The following SNTG1 variants were observed in gnomAD, a reference collection of about 807,000 sequenced individuals.
SNTG1 encodes syntrophin gamma 1, also known as gamma-1-syntrophin.
SNTG1 carries 39 observed loss-of-function variants against 74.7 expected under a neutral mutation model. The ratio of observed to expected loss-of-function variants is 0.52; its 90% CI spans 0.40 to 0.68. The LOEUF is 0.68. Ranked by LOEUF, SNTG1 falls within the 30% of genes least tolerant of loss-of-function variation. The pLI is 0.00. For missense variants in SNTG1, 685 were observed against 609.5 expected (o/e 1.12, Z -1.30); for synonymous variants, 254 against 217.1 (o/e 1.17, Z -1.49).
chr8:50,206,808 C>A (rs549927228), intron 2 of SNTG1, among the ~76,000 whole-genome samples: 21 of 152,266 alleles, frequency 1.4e-4, no homozygotes, highest in African/African-American at 4.8e-4. Flanking sequence ...GCCTTTTCTG[C>A]ATCTATTGAG....
At chr8:50,624,598 T>C (rs918128752) in intron 13 of SNTG1, among the ~76,000 whole-genome samples, 1 of 152,146 alleles carries the variant, frequency 6.6e-6, no homozygotes, top group African/African-American at 2.4e-5. Context: ...TGATTTAAAG[T>C]AGTCTGAGGC....
chr8:50,012,301 G>A (rs1179323946), intron 1 of SNTG1, among the ~76,000 whole-genome samples: 1 of 152,074 alleles, frequency 6.6e-6, no homozygotes, highest in African/African-American at 2.4e-5. Context: ...GCATGTCAAT[G>A]GAATGTGGAT....
intron 12 of SNTG1, among the ~76,000 whole-genome samples, chr8:50,578,004 A>G (rs2094586659): frequency 6.6e-6 from 1 of 152,222 alleles, no homozygotes; most frequent in Non-Finnish European, 1.5e-5. Flanking sequence ...TCCTCAAAGC[A>G]TTTGAAAAGA....
intron 4 of SNTG1, among the ~76,000 whole-genome samples, chr8:50,436,783 C>G (rs1265399466): frequency 6.6e-6 from 1 of 152,064 alleles, no homozygotes; most frequent in African/African-American, 2.4e-5. Flanking sequence ...AAAGACATTT[C>G]TAATACATAG....
At chr8:50,280,357 A>G (rs755902618) in intron 2 of SNTG1, among the ~76,000 whole-genome samples, 19 of 152,226 alleles carry the variant, frequency 1.2e-4, no homozygotes, top group Non-Finnish European at 2.2e-4. Flanking sequence ...GGTTGGGCTT[A>G]AAACATCTTT....
intron 2 of SNTG1, among the ~76,000 whole-genome samples, chr8:50,314,714 T>C (rs1366045107): frequency 1.3e-5 from 2 of 150,196 alleles, no homozygotes; most frequent in Admixed American, 1.3e-4. Context: ...TATCACCCCT[T>C]CCTTTACCCC....
chr8:50,051,247 C>A (rs1194017682), intron 1 of SNTG1, among the ~76,000 whole-genome samples: 6 of 151,202 alleles, frequency 4.0e-5, no homozygotes. Context: ...TTGACACACA[C>A]ACACACACAC....
chr8:50,694,634 A>AAATTATAG (rs1429051200), intron 15 of SNTG1, among the ~76,000 whole-genome samples: 1 of 152,122 alleles, frequency 6.6e-6, no homozygotes. Context: ...TAAGAAAAGA[A>AAATTATAG]AATTATAGGC....
At chr8:50,602,284 G>A (rs1222427551) in intron 13 of SNTG1, among the ~76,000 whole-genome samples, 1 of 151,926 alleles carries the variant, frequency 6.6e-6, no homozygotes, top group Admixed American at 6.6e-5. Context: ...TGTATCCATT[G>A]TATGGTTTTC....
chr8:50,771,807 C>G (rs920960983), intron 18 of SNTG1, among the ~76,000 whole-genome samples: 2 of 152,164 alleles, frequency 1.3e-5, no homozygotes, highest in Non-Finnish European at 2.9e-5. Flanking sequence ...GGATGCTGCT[C>G]TCCACATCAA....
intron 15 of SNTG1, among the ~76,000 whole-genome samples, chr8:50,682,263 C>T (rs945908954): frequency 2.0e-5 from 3 of 151,928 alleles, no homozygotes; most frequent in African/African-American, 7.3e-5. Flanking sequence ...GGGTTGGACC[C>T]CACAGTGTAA....
At chr8:50,205,195 A>C (rs1280443483) in intron 2 of SNTG1, among the ~76,000 whole-genome samples, 1 of 152,158 alleles carries the variant, frequency 6.6e-6, no homozygotes, top group African/African-American at 2.4e-5. Flanking sequence ...AGCAGTGTAA[A>C]ACTGTTCCTA....
intron 1 of SNTG1, among the ~76,000 whole-genome samples, chr8:50,043,487 AAG>A (rs1818816254): frequency 6.6e-6 from 1 of 152,226 alleles, no homozygotes; most frequent in South Asian, 2.1e-4. Flanking sequence ...GAATTTATGA[AAG>A]CAGTCTGCTT....
intron 8 of SNTG1, among the ~76,000 whole-genome samples, chr8:50,455,156 T>C (rs2093493391): frequency 6.6e-6 from 1 of 152,156 alleles, no homozygotes; most frequent in Non-Finnish European, 1.5e-5. Context: ...AAAGTATTTG[T>C]TGAGTAAAAA....
At chr8:49,923,752 G>A (rs1485731818) in intron 1 of SNTG1, among the ~76,000 whole-genome samples, 3 of 151,976 alleles carry the variant, frequency 2.0e-5, no homozygotes, top group African/African-American at 7.3e-5. Context: ...ATATCTTTTT[G>A]TAAAGAATAA....
intron 2 of SNTG1, among the ~76,000 whole-genome samples, chr8:50,178,426 C>A (rs1394375272): frequency 1.3e-5 from 2 of 151,546 alleles, no homozygotes; most frequent in East Asian, 3.9e-4. Flanking sequence ...CACACACACA[C>A]AGGGATAGTT....
intron 13 of SNTG1, among the ~76,000 whole-genome samples, chr8:50,627,934 C>T (rs1354714539): frequency 6.6e-6 from 1 of 152,066 alleles, no homozygotes; most frequent in Non-Finnish European, 1.5e-5. Flanking sequence ...CATTATTGGC[C>T]ATTAATGATC....
intron 2 of SNTG1, among the ~76,000 whole-genome samples, chr8:50,305,720 A>G (rs76912146): frequency 0.069 from 10,519 of 151,998 alleles, 406 homozygotes; most frequent in African/African-American, 0.085. Flanking sequence ...GATGTAAGTA[A>G]AACATATAAA....
intron 9 of SNTG1, among the ~76,000 whole-genome samples, chr8:50,521,879 A>G (rs528335005): frequency 3.7e-4 from 56 of 152,216 alleles, no homozygotes; most frequent in African/African-American, 1.2e-3. Context: ...TTTCCATCAC[A>G]TCTACTCTTA....
Sources: gnomAD v4.1 joint callset for allele counts (sites outside exome capture counted in the v4.1 genomes callset) on GRCh38, gnomAD v4.1.1 for gene constraint, MANE v1.5 for transcripts, NCBI Gene and HGNC (gene_info 2026-07-23, HGNC 2026-07-21) for gene names.